Variants in JAM2 observed in about 807,000 individuals in gnomAD.
The protein encoded by JAM2 is junctional adhesion molecule B.
Under a neutral mutation model 42.0 loss-of-function variants are expected in JAM2, and 17 were observed. The ratio of observed to expected loss-of-function variants is 0.40; its 90% CI spans 0.28 to 0.61. JAM2 has a LOEUF of 0.61. Ranked by LOEUF, JAM2 falls within the 20% of genes least tolerant of loss-of-function variation. JAM2 has a pLI of 0.37. For missense variants in JAM2, 319 were observed against 358.3 expected (o/e 0.89, Z 0.89); for synonymous variants, 118 against 128.6 (o/e 0.92, Z 0.56).
chr21:25,685,224 T>A (rs1379648130), intron 2 of JAM2, among the ~76,000 whole-genome samples: 1 of 152,098 alleles, frequency 6.6e-6, no homozygotes, highest in East Asian at 1.9e-4. Context: ...ATGAATTATG[T>A]GTGCTTGTTA....
chr21:25,670,014 A>C (rs1038586422), intron 1 of JAM2, among the ~76,000 whole-genome samples: 6 of 152,194 alleles, frequency 3.9e-5, no homozygotes, highest in Non-Finnish European at 7.3e-5. Context: ...GCTGACTCTA[A>C]ATAATTTCAA....
At chr21:25,685,426 C>T (rs1395170087) in intron 2 of JAM2, among the ~76,000 whole-genome samples, 1 of 144,380 alleles carries the variant, frequency 6.9e-6, no homozygotes, top group East Asian at 2.1e-4. Flanking sequence ...GAGGCTGAGG[C>T]AGGTGGATGG....
chr21:25,667,642 G>A (rs1291320373), intron 1 of JAM2, among the ~76,000 whole-genome samples: 1 of 152,090 alleles, frequency 6.6e-6, no homozygotes, highest in African/African-American at 2.4e-5. Context: ...ATCCACTGGG[G>A]GTCTTGGAAC....
At chr21:25,710,512 A>G (rs1466221004) in intron 8 of JAM2, among the ~76,000 whole-genome samples, 1 of 152,214 alleles carries the variant, frequency 6.6e-6, no homozygotes, top group Non-Finnish European at 1.5e-5. Flanking sequence ...GATCTCACTA[A>G]GTGATTTTTG....
At chr21:25,672,768 C>T (rs994539689) in intron 1 of JAM2, among the ~76,000 whole-genome samples, 2 of 152,164 alleles carry the variant, frequency 1.3e-5, no homozygotes, top group African/African-American at 2.4e-5. Flanking sequence ...TTTGCCATTA[C>T]GCCAAGTGTC....
intron 4 of JAM2, among the ~76,000 whole-genome samples, chr21:25,696,554 G>A (rs2123394678): frequency 6.6e-6 from 1 of 152,298 alleles, no homozygotes; most frequent in Admixed American, 6.5e-5. Flanking sequence ...ATTTTCTAGT[G>A]TTACATAACA....
At chr21:25,709,737 A>C (rs1342758645) in intron 8 of JAM2, 1 of 270,858 alleles carries the variant, frequency 3.7e-6, no homozygotes, top group Non-Finnish European at 6.9e-6. Context: ...GGGAGGCCTC[A>C]GGAAGCTTTT....
At chr21:25,700,421 C>T (rs1220827461) in intron 5 of JAM2, among the ~76,000 whole-genome samples, 4 of 152,092 alleles carry the variant, frequency 2.6e-5, no homozygotes, top group Admixed American at 6.5e-5. Context: ...AGTGCATTGA[C>T]GCAGTCTTGG....
intron 5 of JAM2, 95 bp from the exon 6 acceptor site, chr21:25,702,075 C>A (rs866291990): frequency 1.7e-6 from 1 of 573,128 alleles, no homozygotes; most frequent in Middle Eastern, 3.3e-4. Flanking sequence ...AAAGGAAAGA[C>A]AAACTTAATG....
At chr21:25,679,525 C>T (rs1360669912) in intron 1 of JAM2, among the ~76,000 whole-genome samples, 1 of 152,178 alleles carries the variant, frequency 6.6e-6, no homozygotes, top group African/African-American at 2.4e-5. Context: ...ATACCGGCAT[C>T]TAGTGGGTAG....
chr21:25,657,941 A>C (rs1601000548), intron 1 of JAM2, among the ~76,000 whole-genome samples: 1 of 152,246 alleles, frequency 6.6e-6, no homozygotes, highest in East Asian at 1.9e-4. Context: ...GGATATTCAT[A>C]AAGTTGACTG....
intron 1 of JAM2, among the ~76,000 whole-genome samples, chr21:25,664,980 C>T (rs2033181803): frequency 6.6e-6 from 1 of 152,196 alleles, no homozygotes; most frequent in Admixed American, 6.5e-5. Flanking sequence ...GTCACAATAG[C>T]CACAAAATGT....
chr21:25,644,319 G>T (rs1283991222), intron 1 of JAM2: 2 of 152,260 alleles, frequency 1.3e-5, no homozygotes, highest in Non-Finnish European at 2.9e-5. Flanking sequence ...GAGGTCAGAA[G>T]TCTGAAACAG....
intron 2 of JAM2, among the ~76,000 whole-genome samples, chr21:25,685,404 C>G (rs2033727873): frequency 6.6e-6 from 1 of 151,264 alleles, no homozygotes; most frequent in Admixed American, 6.6e-5. Context: ...ACCTGTTGTC[C>G]CAGCTACTCA....
At chr21:25,696,470 G>T (rs1334821119) in intron 4 of JAM2, among the ~76,000 whole-genome samples, 1 of 152,134 alleles carries the variant, frequency 6.6e-6, no homozygotes, top group Non-Finnish European at 1.5e-5. Flanking sequence ...TGCTCCTTCT[G>T]AAATACTAGT....
chr21:25,675,037 C>T (rs942519195), intron 1 of JAM2, among the ~76,000 whole-genome samples: 9 of 152,072 alleles, frequency 5.9e-5, no homozygotes, highest in African/African-American at 2.2e-4. Flanking sequence ...TGAACTGGCT[C>T]ACGGTTCTGC....
chr21:25,714,748 C>T lies in JAM2; in HGVS notation c.*76C>T. On this transcript the variant is annotated 3_prime_UTR_variant, in exon 10 of 10. Coordinates refer to ENST00000480456, the MANE Select transcript of JAM2 (RefSeq NM_021219.4). ...AAACTATTATAAAACTCTGCTTTGT[C>T]CGACATTTGCAAAGAGGTACACGAG... The T allele has an allele frequency of 1.0e-6, 1 of 972,142 alleles. No homozygotes were observed. Among genetic ancestry groups the T allele is most frequent in the South Asian group, 2.1e-5 (1 of 48,778 alleles). 60.2% of individuals were successfully genotyped at this position (972,142 alleles called of 1,614,324 possible).
intron 1 of JAM2, among the ~76,000 whole-genome samples, chr21:25,682,406 C>T (rs568250726): frequency 3.9e-5 from 6 of 152,334 alleles, no homozygotes; most frequent in African/African-American, 1.4e-4. Context: ...TTGAATTTTA[C>T]AGCATAAAAG....
At chr21:25,659,998 A>G (rs1467085742) in intron 1 of JAM2, among the ~76,000 whole-genome samples, 1 of 151,352 alleles carries the variant, frequency 6.6e-6, no homozygotes, top group Non-Finnish European at 1.5e-5. Context: ...GCTCACTGCA[A>G]CCTCTGCGTC....
Sources: allele counts gnomAD v4.1 joint callset (sites outside exome capture counted in the v4.1 genomes callset), GRCh38; gene constraint gnomAD v4.1.1; transcripts MANE v1.5; gene names NCBI Gene and HGNC (gene_info 2026-07-23, HGNC 2026-07-21).